The following CDK6 variants were observed in gnomAD, a reference collection of about 807,000 sequenced individuals.
CDK6 encodes the protein cyclin dependent kinase 6.
Under a neutral mutation model 37.1 loss-of-function variants are expected in CDK6, and 6 were observed. The observed-to-expected ratio is 0.16, with a 90% CI of 0.09 to 0.32. The LOEUF (loss-of-function observed/expected upper bound fraction) is 0.32, where lower values mean the gene tolerates loss of function less well. Ranked by LOEUF, CDK6 falls within the 10% of genes least tolerant of loss-of-function variation. CDK6 has a pLI of 1.00. For missense variants in CDK6, 224 were observed against 418.9 expected (o/e 0.53, Z 4.06); for synonymous variants, 160 against 161.3 (o/e 0.99, Z 0.06).
intron 2 of CDK6, among the ~76,000 whole-genome samples, chr7:92,785,135 AT>A (rs1349731030): frequency 6.6e-6 from 1 of 152,174 alleles, no homozygotes; most frequent in Non-Finnish European, 1.5e-5. Flanking sequence ...AATAACCCAA[AT>A]GTCCATCAAC....
Position 92,610,504 on chromosome 7 carries a change from TAGAG to T in CDK6, c.*4632_*4635del, listed in dbSNP as rs1362605424. The T allele has an allele frequency of 1.3e-5, 3 of 230,332 alleles. No homozygotes were observed. The highest frequency in any genetic ancestry group is 5.6e-5 in the Admixed American group (1 of 17,702). 14.3% of individuals were successfully genotyped at this position (230,332 alleles called of 1,614,324 possible). A position where few individuals can be genotyped will look rare whatever the true frequency, so the allele number is the denominator to read the frequency against. On this transcript the variant is annotated 3_prime_UTR_variant, in exon 8 of 8. Transcript: ENST00000424848. ...TCTGTTGCTTACAAAGGTCAGAAGA[TAGAG>T]AGACCAAAGGATTATTTTTGGTTTA... is the stretch of plus-strand genomic sequence containing the variant.
chr7:92,697,354 A>G (rs780199022), intron 4 of CDK6, among the ~76,000 whole-genome samples: 1 of 152,230 alleles, frequency 6.6e-6, no homozygotes, highest in Non-Finnish European at 1.5e-5. Flanking sequence ...ATAGCCAAAG[A>G]AAAACAGTCG....
rs1795428531 is a variant in CDK6 at position 92,606,394 on chromosome 7, C to T, written c.*8746G>A. The T allele has an allele frequency of 1.3e-5, 3 of 233,238 alleles. No individual in the cohort carries two copies. Among genetic ancestry groups the T allele is most frequent in the Non-Finnish European group, 2.5e-5 (3 of 118,136 alleles). 14.4% of individuals were successfully genotyped at this position (233,238 alleles called of 1,614,324 possible). A position where few individuals can be genotyped will look rare whatever the true frequency, so the allele number is the denominator to read the frequency against. ...AGTGGTGGCCAGGCCTAGACAGGCA[C>T]ACCTGTGGTCCATGATGTGGAGGAA... On this transcript the variant is annotated 3_prime_UTR_variant, in exon 8 of 8. Coordinates refer to ENST00000424848, the MANE Select transcript of CDK6 (RefSeq NM_001145306.2).
chr7:92,814,227 T>C (rs994435597), intron 2 of CDK6, among the ~76,000 whole-genome samples: 3 of 152,228 alleles, frequency 2.0e-5, no homozygotes, highest in Admixed American at 1.3e-4. Flanking sequence ...TGAATTTATA[T>C]AGCCAGGTGC....
chr7:92,797,872 G>C (rs987666880), intron 2 of CDK6, among the ~76,000 whole-genome samples: 3 of 152,202 alleles, frequency 2.0e-5, no homozygotes, highest in South Asian at 4.1e-4. Context: ...CACTCTCCAC[G>C]GAAAATCAGC....
intron 4 of CDK6, among the ~76,000 whole-genome samples, chr7:92,679,243 T>C (rs1247976858): frequency 6.6e-6 from 1 of 152,238 alleles, no homozygotes; most frequent in Non-Finnish European, 1.5e-5. Context: ...TTCAGTTTTC[T>C]CATCTGTTAA....
intron 3 of CDK6, among the ~76,000 whole-genome samples, chr7:92,764,746 T>C (rs1291362174): frequency 6.6e-6 from 1 of 152,232 alleles, no homozygotes; most frequent in Non-Finnish European, 1.5e-5. Context: ...TGAAACCACA[T>C]ATTCATTCAA....
rs748612449 is a variant in CDK6 at position 92,833,156 on chromosome 7, G to A, written c.168C>T (p.Leu56=). The change falls in exon 2 of 8, where the codon CTC becomes CTT. Residue 56 remains leucine (L), a synonymous_variant. Coordinates refer to ENST00000424848, the MANE Select transcript of CDK6 (RefSeq NM_001145306.2). The surrounding 1 kb of genome is among the most constrained non-coding windows in gnomAD (Gnocchi z 6.1). ...GCACCGCCACCTCGCGGATGGTGGA[G>A]AGCGGCATGCCCTCCTCGCCGGTCT... The part of the protein sequence containing the change: ...RVQTGEEGMP[L]STIREVAVLR... 6.2e-6 allele frequency: 10 copies of A among 1,609,428 alleles called. No homozygotes were observed. Among genetic ancestry groups the A allele is most frequent in the Non-Finnish European group, 6.8e-6 (8 of 1,178,526 alleles).
intron 4 of CDK6, among the ~76,000 whole-genome samples, chr7:92,695,369 A>G (rs1314625877): frequency 1.3e-5 from 2 of 152,184 alleles, no homozygotes; most frequent in Non-Finnish European, 2.9e-5. Context: ...TCCAGTTCTC[A>G]TATCTGAGGG....
chr7:92,784,791 T>C (rs1800081841), intron 2 of CDK6, among the ~76,000 whole-genome samples: 1 of 152,190 alleles, frequency 6.6e-6, no homozygotes, highest in Non-Finnish European at 1.5e-5. Flanking sequence ...GTCTGATACA[T>C]AGGTGTTCAA....
chr7:92,633,552 G>T (rs1165271797), intron 5 of CDK6, among the ~76,000 whole-genome samples: 1 of 151,858 alleles, frequency 6.6e-6, no homozygotes, highest in Non-Finnish European at 1.5e-5. Context: ...TGACAACTGT[G>T]GATGACTCAT....
At chr7:92,696,045 C>T (rs1033131055) in intron 4 of CDK6, among the ~76,000 whole-genome samples, 8 of 152,186 alleles carry the variant, frequency 5.3e-5, no homozygotes, top group African/African-American at 9.7e-5. Context: ...ATCTGGGTTT[C>T]GGAGTGTGCT....
At position 92,742,740 on chromosome 7, in the gene CDK6, T is replaced by TACAC. The variant is rs563516842; in HGVS notation, c.370-16948_370-16947insGTGT. 1.4e-3 allele frequency among the ~76,000 whole-genome samples: 200 copies of TACAC among 143,002 alleles called. 1 individual carries two copies. The highest frequency in any genetic ancestry group is 4.3e-3 in the South Asian group (18 of 4,228). The allele number at this position is 143,002 out of a possible 152,430, so 93.8% of individuals were successfully genotyped here. On this transcript the variant is annotated intron_variant, in intron 3 of 7. Coordinates refer to ENST00000424848, the MANE Select transcript of CDK6 (RefSeq NM_001145306.2). The stretch of plus-strand genomic sequence containing the variant: ...TATGTATAAAATGTATACATATATA[T>TACAC]ATACACACACACACACACACCCCTT...
At chr7:92,731,337 G>A (rs1798644373) in intron 3 of CDK6, among the ~76,000 whole-genome samples, 1 of 152,184 alleles carries the variant, frequency 6.6e-6, no homozygotes, top group Non-Finnish European at 1.5e-5. Context: ...CCAAGAGGAG[G>A]GTTCAAGAGG....
Position 92,833,022 on chromosome 7 carries a change from GGAT to G in CDK6, c.233+66_233+68del. The G allele has an allele frequency of 8.7e-7, 1 of 1,143,322 alleles. No individual in the cohort carries two copies. The highest frequency in any genetic ancestry group is 1.3e-6 in the Non-Finnish European group (1 of 798,270). 70.8% of individuals were successfully genotyped at this position (1,143,322 alleles called of 1,614,324 possible). On this transcript the variant is annotated intron_variant, in intron 2 of 7. Transcript: ENST00000424848. The surrounding 1 kb of genome is among the most constrained non-coding windows in gnomAD (Gnocchi z 6.1). ...CTGCCCCGCACCTTTCTGGGCCTGA[GGAT>G]TCCCGGCTCGGCCCTCCCCGCGCGC... is the stretch of plus-strand genomic sequence containing the variant.
chr7:92,770,149 T>C (rs1159856038), intron 3 of CDK6, among the ~76,000 whole-genome samples: 2 of 152,040 alleles, frequency 1.3e-5, no homozygotes, highest in African/African-American at 2.4e-5. Flanking sequence ...AATAAGTCTA[T>C]GAGGGAAAAT....
chr7:92,718,919 C>T (rs1268590734), intron 4 of CDK6, among the ~76,000 whole-genome samples: 2 of 152,230 alleles, frequency 1.3e-5, no homozygotes, highest in African/African-American at 4.8e-5. Flanking sequence ...CATCATCCCT[C>T]AGCTTCACTG....
At chr7:92,698,885 T>C (rs1034442648) in intron 4 of CDK6, among the ~76,000 whole-genome samples, 1 of 152,190 alleles carries the variant, frequency 6.6e-6, no homozygotes, top group Non-Finnish European at 1.5e-5. Flanking sequence ...GTAATTAATT[T>C]ATTTTTTTCT....
intron 3 of CDK6, among the ~76,000 whole-genome samples, chr7:92,730,777 G>C (rs1448357430): frequency 2.0e-5 from 3 of 152,138 alleles, no homozygotes; most frequent in African/African-American, 7.2e-5. Context: ...TTTATCTGGT[G>C]ATCCATAGAT....
Sources: allele counts gnomAD v4.1 joint callset (sites outside exome capture counted in the v4.1 genomes callset), GRCh38; gene constraint gnomAD v4.1.1; non-coding constraint Gnocchi (gnomAD v3.1); transcripts MANE v1.5; gene names NCBI Gene and HGNC (gene_info 2026-07-23, HGNC 2026-07-21).